Variants in MBP observed in about 807,000 individuals in gnomAD.
MBP encodes the protein Golli-MBP.
MBP carries 16 observed loss-of-function variants against 35.8 expected under a neutral mutation model. That is an observed-to-expected ratio of 0.45 (90% CI 0.30 to 0.68). MBP has a LOEUF of 0.68. Among genes scored for constraint, MBP ranks in the 30% least tolerant of loss-of-function variants. The pLI is 0.08. For synonymous variants in MBP, 143 were observed against 159.6 expected (o/e 0.90, Z 0.78); for missense variants, 380 against 404.7 (o/e 0.94, Z 0.52).
intron 2 of MBP, among the ~76,000 whole-genome samples, chr18:77,073,594 G>T (rs576279313): frequency 6.6e-6 from 1 of 152,216 alleles, no homozygotes; most frequent in African/African-American, 2.4e-5. Context: ...GCCCTGCTCC[G>T]CAGGGAGACA....
chr18:77,032,998 C>T (rs1225207777), intron 3 of MBP, among the ~76,000 whole-genome samples: 1 of 152,174 alleles, frequency 6.6e-6, no homozygotes, highest in Non-Finnish European at 1.5e-5. Flanking sequence ...GGCTGAGTCT[C>T]ACTCTGTGAC....
chr18:77,004,296 G>T (rs569913281), intron 4 of MBP: 7 of 151,652 alleles, frequency 4.6e-5, no homozygotes, highest in African/African-American at 7.3e-5. Flanking sequence ...ACTCCCCGCC[G>T]CAAGGAAGCT....
At chr18:76,986,773 T>C (rs1969582070) in intron 7 of MBP, 3 of 985,510 alleles carry the variant, frequency 3.0e-6, no homozygotes, top group Non-Finnish European at 3.6e-6. Flanking sequence ...TGTCTTACTC[T>C]ATTGCTTTTC....
At position 76,980,419 on chromosome 18, in the gene MBP, G is replaced by T. The variant is rs1969114491; in HGVS notation, c.*8C>A. ...GCTGAGGACAGGATTCCGGAACCAG[G>T]TGGGTTTTCAGCGTCTAGCCATGGG... is the stretch of plus-strand genomic sequence containing the variant. On this transcript the variant is annotated 3_prime_UTR_variant, in exon 9 of 9. Coordinates refer to ENST00000355994, the MANE Select transcript of MBP (RefSeq NM_001025101.2). 3.7e-6 allele frequency: 6 copies of T among 1,612,756 alleles called. No individual in the cohort carries two copies. Among genetic ancestry groups the T allele is most frequent in the South Asian group, 1.1e-5 (1 of 91,054 alleles).
chr18:76,984,529 C>A (rs886910363), intron 8 of MBP: 5 of 512,298 alleles, frequency 9.8e-6, no homozygotes, highest in Admixed American at 6.5e-5. Flanking sequence ...GCTCCAGGGC[C>A]CCTGAACCAG....
chr18:77,066,918 GCCCC>G (rs1319347235), intron 2 of MBP, among the ~76,000 whole-genome samples: 1 of 152,194 alleles, frequency 6.6e-6, no homozygotes, highest in African/African-American at 2.4e-5. Context: ...GGTGGGCCAG[GCCCC>G]CTGGCCACTC....
intron 4 of MBP, among the ~76,000 whole-genome samples, chr18:77,008,011 A>G (rs1971098742): frequency 6.6e-6 from 1 of 151,386 alleles, no homozygotes; most frequent in Admixed American, 6.6e-5. Context: ...CATCCTCTCC[A>G]CTCTGCTTGG....
At chr18:77,111,230 C>T (rs190773158) in intron 1 of MBP, among the ~76,000 whole-genome samples, 20 of 152,238 alleles carry the variant, frequency 1.3e-4, no homozygotes, top group Middle Eastern at 3.4e-3. Flanking sequence ...CTCATGGGCA[C>T]GGTTCTGTAT....
At chr18:77,092,985 A>G (rs1322327441) in intron 2 of MBP, 7 of 152,206 alleles carry the variant, frequency 4.6e-5, no homozygotes, top group Non-Finnish European at 1.0e-4. Flanking sequence ...CCAGCATTCA[A>G]TGTTGTGCTC....
chr18:76,995,542 C>A (rs1416282554), intron 4 of MBP, among the ~76,000 whole-genome samples: 3 of 152,008 alleles, frequency 2.0e-5, no homozygotes, highest in African/African-American at 7.3e-5. Context: ...CAAATCTGAC[C>A]AGCCGATTCC....
intron 3 of MBP, among the ~76,000 whole-genome samples, chr18:77,024,537 T>G (rs1334525164): frequency 6.6e-6 from 1 of 152,256 alleles, no homozygotes; most frequent in African/African-American, 2.4e-5. Context: ...AATTTATGCT[T>G]TTGGATGTGT....
intron 1 of MBP, among the ~76,000 whole-genome samples, chr18:77,128,239 G>A (rs1025497618): frequency 5.9e-5 from 9 of 152,182 alleles, no homozygotes; most frequent in Non-Finnish European, 7.3e-5. Flanking sequence ...TTGCCAACCC[G>A]GATGGGTCTC....
At chr18:77,014,076 C>A (rs1368380732) in intron 4 of MBP, 6 of 985,356 alleles carry the variant, frequency 6.1e-6, no homozygotes, top group Non-Finnish European at 7.2e-6. Context: ...TCCTTAAAGG[C>A]AACAACAGTC....
At position 76,988,438 on chromosome 18, in the gene MBP, G is replaced by T. The variant is rs772465883; in HGVS notation, c.750+57C>A. ...AAACAGAGCAGAACACAAAAGTTGCGGGGCTGTGAGGACTGGGACGGAAGA... is the reference window on the plus strand; with the variant it reads ...AAACAGAGCAGAACACAAAAGTTGCTGGGCTGTGAGGACTGGGACGGAAGA... On this transcript the variant is annotated intron_variant, in intron 7 of 8. Coordinates refer to ENST00000355994, the MANE Select transcript of MBP (RefSeq NM_001025101.2). This position sits in a 1 kb window ranked among gnomAD's most constrained non-coding sequence, Gnocchi z 5.2. 3.7e-6 allele frequency: 6 copies of T among 1,614,202 alleles called. No homozygotes were observed. The Admixed American group carries it at 1.0e-4, about 27-fold the overall frequency.
At chr18:77,071,181 C>T (rs1005292466) in intron 2 of MBP, among the ~76,000 whole-genome samples, 2 of 152,130 alleles carry the variant, frequency 1.3e-5, no homozygotes, top group East Asian at 3.9e-4. Flanking sequence ...ACAGCATATT[C>T]TTAAAGTCCT....
chr18:77,004,944 G>A (rs892978277), intron 4 of MBP: 1 of 152,174 alleles, frequency 6.6e-6, no homozygotes, highest in African/African-American at 2.4e-5. Flanking sequence ...GCCTCCTTTG[G>A]GGGCCTTTGC....
At chr18:77,021,682 A>T (rs1380278096) in intron 3 of MBP, among the ~76,000 whole-genome samples, 1 of 151,936 alleles carries the variant, frequency 6.6e-6, no homozygotes, top group East Asian at 1.9e-4. Context: ...ACTGGGTTTC[A>T]CTATGTTGGC....
rs117747459 is a variant in MBP, at chr18:77,019,561, C to T, written c.140-2293G>A. ...AAGCAGGGCTCTGCAGACATCTCAA[C>T]TTGAGCTTTCTGGCCTTCACAATGG... is the stretch of plus-strand genomic sequence containing the variant. On this transcript the variant is annotated intron_variant, in intron 3 of 8. Transcript: ENST00000355994. Among the ~76,000 whole-genome samples the T allele has an allele frequency of 1.7e-3, 255 of 152,328 alleles. 4 individuals carry two copies. The highest frequency in any genetic ancestry group is 9.8e-3 in the Admixed American group (150 of 15,298).
intron 3 of MBP, among the ~76,000 whole-genome samples, chr18:77,058,479 C>T (rs1399520544): frequency 6.6e-6 from 1 of 152,110 alleles, no homozygotes; most frequent in Non-Finnish European, 1.5e-5. Flanking sequence ...CAGGCACGAC[C>T]CCAGGCCCGG....
Sources: allele counts gnomAD v4.1 joint callset (sites outside exome capture counted in the v4.1 genomes callset), GRCh38; gene constraint gnomAD v4.1.1; non-coding constraint Gnocchi (gnomAD v3.1); transcripts MANE v1.5; gene names NCBI Gene and HGNC (gene_info 2026-07-23, HGNC 2026-07-21).